The following ZBBX variants were observed in gnomAD, a reference collection of about 807,000 sequenced individuals.
The protein encoded by ZBBX is zinc finger B-box domain containing, also known as zinc finger B-box domain-containing protein 1.
ZBBX carries 101 observed loss-of-function variants against 108.5 expected under a neutral mutation model. That is an observed-to-expected ratio of 0.93 (90% confidence interval 0.79 to 1.10). ZBBX has a LOEUF of 1.10. Among genes scored for constraint, ZBBX ranks in the 50% least tolerant of loss-of-function variants. The pLI, the probability that ZBBX is intolerant of heterozygous loss-of-function variation, is 0.00. For synonymous variants in ZBBX, 356 were observed against 323.4 expected (o/e 1.10, Z -1.08); for missense variants, 1,009 against 941.4 (o/e 1.07, Z -0.94).
chr3:167,206,959 C>CTATA, the ZBBX span, among the ~76,000 whole-genome samples: 1 of 152,090 alleles, frequency 6.6e-6, no homozygotes, highest in Non-Finnish European at 1.5e-5. Flanking sequence ...TGGATCCATC[C>CTATA]TATACCACAT....
Position 167,328,106 on chromosome 3 carries a change from G to C in ZBBX, c.698C>G (p.Thr233Arg). Residue 233 changes from threonine (T) to arginine (R), a missense_variant, in exon 11 of 22, where the codon ACA becomes AGA. Physicochemically the swap from Thr to Arg is moderately conservative, Grantham distance 71 (BLOSUM62 -1). Coordinates refer to ENST00000675490, the MANE Select transcript of ZBBX (RefSeq NM_001199201.2). ...TGTACGTTGTGCTCTTTTCATCGTT[G>C]TAATTTCTACCTAATTAAAAGGATA... ...LQRSSSEVEI[T>R]TMKRAQRTKP... 2 of 1,609,072 alleles carry C rather than the reference G, an allele frequency of 1.2e-6. No individual in the cohort carries two copies. The highest frequency in any genetic ancestry group is 1.7e-6 in the Non-Finnish European group (2 of 1,178,592).
chr3:167,206,304 T>C, the ZBBX span, among the ~76,000 whole-genome samples: 1 of 152,092 alleles, frequency 6.6e-6, no homozygotes, highest in Admixed American at 6.6e-5. Context: ...TTATCACAAA[T>C]GGCAGTATCT....
intron 11 of ZBBX, among the ~76,000 whole-genome samples, chr3:167,326,955 T>A (rs1737496967): frequency 6.6e-6 from 1 of 151,896 alleles, no homozygotes; most frequent in Admixed American, 6.6e-5. Flanking sequence ...ATGATTGAAA[T>A]TTATTATCTA....
At chr3:167,405,400 A>C (rs913391147) in intron 1 of ZBBX, among the ~76,000 whole-genome samples, 3 of 152,206 alleles carry the variant, frequency 2.0e-5, no homozygotes, top group African/African-American at 7.2e-5. Context: ...GGAACCAGAA[A>C]AAGTGTGTCA....
At chr3:167,395,494 C>CTCA (rs1748206919) in intron 1 of ZBBX, among the ~76,000 whole-genome samples, 1 of 150,854 alleles carries the variant, frequency 6.6e-6, no homozygotes, top group Admixed American at 6.6e-5. Context: ...GAAGTGGAAT[C>CTCA]CTGGCTCCTC....
chr3:167,277,360 C>T (rs1303729377), intron 20 of ZBBX, among the ~76,000 whole-genome samples: 12 of 152,104 alleles, frequency 7.9e-5, no homozygotes, highest in East Asian at 1.9e-4. Flanking sequence ...GCCCATCTCA[C>T]GTGCAGAGAC....
chr3:167,228,847 G>T, the ZBBX span, among the ~76,000 whole-genome samples: 1 of 151,744 alleles, frequency 6.6e-6, no homozygotes, highest in Non-Finnish European at 1.5e-5. Flanking sequence ...AGGTGAAGAA[G>T]TTCATCATTG....
At chr3:167,325,820 GC>G (rs1192431756) in intron 11 of ZBBX, among the ~76,000 whole-genome samples, 1 of 152,044 alleles carries the variant, frequency 6.6e-6, no homozygotes, top group African/African-American at 2.4e-5. Flanking sequence ...GACAAAAATA[GC>G]CAATATTGTC....
At chr3:167,191,934 T>TATATATAGAGAGAGAGAGAGAGAGAG in the ZBBX span, among the ~76,000 whole-genome samples, 37 of 130,222 alleles carry the variant, frequency 2.8e-4, no homozygotes, top group African/African-American at 1.1e-3. Context: ...TATATATATA[T>TATATATAGAGAGAGAGAGAGAGAGAG]AGAGCAAGTT....
In ZBBX at chr3:167,315,758, ACTGT is replaced by A. The variant is rs747209522; in HGVS notation, c.1262_1265del (p.Asp421ValfsTer35). The A allele has an allele frequency of 1.9e-6, 3 of 1,606,864 alleles. No homozygotes were observed. The highest frequency in any genetic ancestry group is 2.6e-6 in the Non-Finnish European group (3 of 1,175,838). The stretch of plus-strand genomic sequence containing the variant: ...AATTAGAAAGGTTTTACCTTCGTTG[ACTGT>A]CTGCATCAGCTAATTTAACTTTGTA... On this transcript the variant is annotated frameshift_variant, in exon 15 of 22. Transcript: ENST00000675490. LOFTEE classifies it high-confidence loss of function.
At chr3:167,281,009 A>G (rs1338135116) in intron 20 of ZBBX, among the ~76,000 whole-genome samples, 1 of 152,220 alleles carries the variant, frequency 6.6e-6, no homozygotes, top group Non-Finnish European at 1.5e-5. Flanking sequence ...CAAGAACAAA[A>G]AACCAAACAC....
At chr3:167,248,896 T>G (rs983973196) in intron 20 of ZBBX, among the ~76,000 whole-genome samples, 10 of 152,218 alleles carry the variant, frequency 6.6e-5, no homozygotes, top group African/African-American at 2.4e-4. Context: ...TCAGTATCCA[T>G]GGCCGGCACC....
At chr3:167,185,634 A>G in the ZBBX span, among the ~76,000 whole-genome samples, 2,024 of 152,232 alleles carry the variant, frequency 0.013, 22 homozygotes, top group South Asian at 0.026. Context: ...TTGATAGCAC[A>G]TAAAAACATT....
chr3:167,336,932 C>T (rs753418647), intron 9 of ZBBX, among the ~76,000 whole-genome samples: 40 of 152,124 alleles, frequency 2.6e-4, no homozygotes, highest in Non-Finnish European at 5.4e-4. Flanking sequence ...GGAGGTTCCT[C>T]CTATTTTCAA....
At chr3:167,184,657 C>T in the ZBBX span, among the ~76,000 whole-genome samples, 1 of 152,082 alleles carries the variant, frequency 6.6e-6, no homozygotes, top group African/African-American at 2.4e-5. Context: ...TCTCTGCTAC[C>T]CAGAGACACC....
rs529001962 is a variant in ZBBX, at chr3:167,269,408, A to G, written c.2254+12830T>C. Reference sequence around the variant, plus strand: ...TGAGGCAGGAACTAACTTATTAGGAAGAGAATTAATGTTGAAGTTAGGCAT... The same window carrying G: ...TGAGGCAGGAACTAACTTATTAGGAGGAGAATTAATGTTGAAGTTAGGCAT... On this transcript the variant is annotated intron_variant, in intron 20 of 21. Coordinates refer to ENST00000675490, the MANE Select transcript of ZBBX (RefSeq NM_001199201.2). Among the ~76,000 whole-genome samples the G allele has an allele frequency of 3.3e-3, 496 of 152,352 alleles. 1 individual carries two copies. The highest frequency in any genetic ancestry group is 4.7e-3 in the Non-Finnish European group (321 of 68,028).
intron 20 of ZBBX, among the ~76,000 whole-genome samples, chr3:167,259,255 G>A (rs1238257655): frequency 2.6e-5 from 4 of 152,036 alleles, no homozygotes; most frequent in East Asian, 1.9e-4. Flanking sequence ...TAGTTTATGC[G>A]GGTAAAGCTG....
At chr3:167,235,722 T>C (rs1184449382), downstream of ZBBX, among the ~76,000 whole-genome samples, 1 of 151,672 alleles carries the variant, frequency 6.6e-6, no homozygotes, top group East Asian at 1.9e-4. Context: ...ATTAAAAATA[T>C]CATCTCCTTT....
intron 20 of ZBBX, among the ~76,000 whole-genome samples, chr3:167,260,454 T>C (rs956351616): frequency 3.3e-5 from 5 of 152,234 alleles, no homozygotes; most frequent in Non-Finnish European, 5.9e-5. Context: ...CTCTTCTTCC[T>C]CAGAACACCA....
Sources: allele counts gnomAD v4.1 joint callset (sites outside exome capture counted in the v4.1 genomes callset), GRCh38; gene constraint gnomAD v4.1.1; transcripts MANE v1.5; gene names NCBI Gene and HGNC (gene_info 2026-07-23, HGNC 2026-07-21).